Variants in WDFY4 observed in about 807,000 individuals in gnomAD.
The protein encoded by WDFY4 is WDFY family member 4.
In WDFY4, 169 loss-of-function variants were observed where a neutral mutation model predicts 351.9. The observed-to-expected ratio is 0.48, with a 90% CI of 0.42 to 0.55. The LOEUF is 0.55. Ranked by LOEUF, WDFY4 falls within the 20% of genes least tolerant of loss-of-function variation. The pLI is 0.00. For synonymous variants in WDFY4, 1,622 were observed against 1,574.6 expected (o/e 1.03, Z -0.71); for missense variants, 3,803 against 3,935.6 (o/e 0.97, Z 0.90).
chr10:48,982,423 G>C (rs1176654479), intron 61 of WDFY4, 86 bp from the exon 62 acceptor site: 1 of 1,228,882 alleles, frequency 8.1e-7, no homozygotes, highest in African/African-American at 1.5e-5. Context: ...CCCAGATAGA[G>C]CCCCAGAGTT....
intron 43 of WDFY4, among the ~76,000 whole-genome samples, chr10:48,880,555 G>C (rs2070204087): frequency 6.6e-6 from 1 of 152,240 alleles, no homozygotes; most frequent in Non-Finnish European, 1.5e-5. Flanking sequence ...GTGCAGACAG[G>C]AGCATGTGGA....
At chr10:48,800,571 T>C (rs1314907059) in intron 24 of WDFY4, among the ~76,000 whole-genome samples, 2 of 152,008 alleles carry the variant, frequency 1.3e-5, no homozygotes, top group Admixed American at 1.3e-4. Flanking sequence ...CAGGAAGTTG[T>C]AAGACAGAGT....
intron 47 of WDFY4, among the ~76,000 whole-genome samples, 170 bp from the exon 48 acceptor site, chr10:48,941,636 C>G (rs886249499): frequency 1.3e-5 from 2 of 152,198 alleles, no homozygotes; most frequent in African/African-American, 2.4e-5. Flanking sequence ...GCAAGAAGAG[C>G]TGGATGACAG....
At chr10:48,688,072 C>A (rs564745425) in intron 1 of WDFY4, among the ~76,000 whole-genome samples, 19 of 152,308 alleles carry the variant, frequency 1.2e-4, no homozygotes, top group African/African-American at 4.3e-4. Flanking sequence ...CATGAGCCAC[C>A]ACACCCGGCC....
At chr10:48,967,663 G>A (rs1842144524) in intron 55 of WDFY4, 1 of 152,292 alleles carries the variant, frequency 6.6e-6, no homozygotes, top group Non-Finnish European at 1.5e-5. Context: ...ACCAGCCCAG[G>A]AGGGAGGATC....
Position 48,897,644 on chromosome 10 carries a change from G to A in WDFY4, c.7437+70G>A, listed in dbSNP as rs529813619. On this transcript the variant is annotated intron_variant, in intron 45 of 61. Coordinates refer to ENST00000325239, the MANE Select transcript of WDFY4 (RefSeq NM_001394531.1). Reference sequence around the variant, plus strand: ...GGGCCATGGGACAGGTGGTCCAGGAGCCATCCAGAGACACACCTCTGTGAC... The same window carrying A: ...GGGCCATGGGACAGGTGGTCCAGGAACCATCCAGAGACACACCTCTGTGAC... 4.9e-5 allele frequency: 75 copies of A among 1,517,208 alleles called. 1 individual carries two copies. The East Asian group carries it at 1.5e-3, about 30-fold the overall frequency. 94.0% of individuals were successfully genotyped at this position (1,517,208 alleles called of 1,614,324 possible). A position where few individuals can be genotyped will look rare whatever the true frequency, so the allele number is the denominator to read the frequency against.
intron 25 of WDFY4, among the ~76,000 whole-genome samples, chr10:48,804,417 C>G (rs1310109769): frequency 6.6e-6 from 1 of 152,094 alleles, no homozygotes; most frequent in Non-Finnish European, 1.5e-5. Flanking sequence ...GAAACAGAAC[C>G]AAGGGCAGCC....
At chr10:48,696,554 C>G (rs1470334766) in intron 1 of WDFY4, among the ~76,000 whole-genome samples, 1 of 152,256 alleles carries the variant, frequency 6.6e-6, no homozygotes, top group Non-Finnish European at 1.5e-5. Flanking sequence ...CAAACCAGCT[C>G]CTTGTGAGGA....
intron 43 of WDFY4, among the ~76,000 whole-genome samples, chr10:48,885,781 G>T (rs1589812797): frequency 6.6e-6 from 1 of 151,888 alleles, no homozygotes; most frequent in South Asian, 2.1e-4. Flanking sequence ...TAGATAGATA[G>T]CATCTCCTTA....
At chr10:48,702,613 G>C (rs1399209333) in intron 1 of WDFY4, among the ~76,000 whole-genome samples, 1 of 152,116 alleles carries the variant, frequency 6.6e-6, no homozygotes, top group Non-Finnish European at 1.5e-5. Context: ...ATGGATGATG[G>C]ACCTGAGTTC....
chr10:48,727,459 C>T lies in WDFY4; in HGVS notation c.782-11C>T. On this transcript the variant is annotated splice_polypyrimidine_tract_variant and intron_variant, in intron 6 of 61. Coordinates refer to ENST00000325239, the MANE Select transcript of WDFY4 (RefSeq NM_001394531.1). ...AGCTCAGCAGGTCTCTCCTGTGCTT[C>T]CCTCCTGCAGCCACAGACTGTGTCA... 1 of 1,551,158 alleles carries T rather than the reference C, an allele frequency of 6.4e-7. No individual in the cohort carries two copies. The highest frequency in any genetic ancestry group is 1.4e-5 in the African/African-American group (1 of 73,168).
At chr10:48,854,767 T>C (rs1163830324) in intron 39 of WDFY4, among the ~76,000 whole-genome samples, 1 of 152,206 alleles carries the variant, frequency 6.6e-6, no homozygotes, top group East Asian at 1.9e-4. Flanking sequence ...CTCCCTACTT[T>C]GGGCCCACTT....
chr10:48,893,264 T>G (rs1836905970), intron 44 of WDFY4, among the ~76,000 whole-genome samples: 1 of 152,228 alleles, frequency 6.6e-6, no homozygotes, highest in Non-Finnish European at 1.5e-5. Context: ...ACCAGTCAGG[T>G]TGGATTTGGA....
Position 48,796,320 on chromosome 10 carries a change from A to T in WDFY4, c.4280A>T (p.Lys1427Met). 1.3e-6 allele frequency: 2 copies of T among 1,552,188 alleles called. No homozygotes were observed. The highest frequency in any genetic ancestry group is 1.7e-6 in the Non-Finnish European group (2 of 1,147,062). Residue 1427 changes from lysine (K) to methionine (M), a missense_variant, in exon 24 of 62, where the codon AAG becomes ATG. Coordinates refer to ENST00000325239, the MANE Select transcript of WDFY4 (RefSeq NM_001394531.1). ...GYQIMAFLLR[K>M]KASLLNHRIF... The stretch of plus-strand genomic sequence containing the variant: ...CAGATAATGGCGTTTCTCCTGAGGA[A>T]GAAGGCCTCTCTCCTGAACCATCGA...
chr10:48,846,432 G>T (rs1473677512), intron 39 of WDFY4, among the ~76,000 whole-genome samples: 2 of 152,186 alleles, frequency 1.3e-5, no homozygotes, highest in African/African-American at 4.8e-5. Flanking sequence ...TCCCTCACAA[G>T]AACTTTAAGT....
At chr10:48,833,180 A>T (rs982169958) in intron 39 of WDFY4, among the ~76,000 whole-genome samples, 10 of 147,106 alleles carry the variant, frequency 6.8e-5, no homozygotes, top group African/African-American at 2.4e-4. Context: ...TGTGAGAGAG[A>T]GAGAGAGAGA....
chr10:48,917,781 A>G (rs1838685992), intron 47 of WDFY4, among the ~76,000 whole-genome samples: 1 of 152,238 alleles, frequency 6.6e-6, no homozygotes, highest in South Asian at 2.1e-4. Flanking sequence ...AGGAACTCCA[A>G]ACTTTGGGGA....
rs549558181 is a variant in WDFY4, at chr10:48,810,718, G to T, written c.5027G>T (p.Gly1676Val). Residue 1676 changes from glycine to valine, a missense_variant, in exon 29 of 62, where the codon GGC becomes GTC. By Grantham distance (109) the Gly-to-Val change is moderately radical (BLOSUM62 -3). Transcript: ENST00000325239. ...AGSWVERSTEGVDIVMDNLKS... is the reference protein window; with the variant it reads ...AGSWVERSTEVVDIVMDNLKS... ...TCCTGGGTGGAACGCAGCACTGAGGGCGTGGATATTGTAATGGGTGAGCAC... is the reference window on the plus strand; with the variant it reads ...TCCTGGGTGGAACGCAGCACTGAGGTCGTGGATATTGTAATGGGTGAGCAC... 4.8e-5 allele frequency: 74 copies of T among 1,541,724 alleles called. No homozygotes were observed. In the East Asian group the frequency reaches 1.6e-3, roughly 34 times the overall value.
At chr10:48,956,077 G>T (rs1014173917) in intron 51 of WDFY4, among the ~76,000 whole-genome samples, 1 of 152,172 alleles carries the variant, frequency 6.6e-6, no homozygotes, top group Admixed American at 6.5e-5. Flanking sequence ...CTCTAACCAG[G>T]ACCTGGAGGG....
Sources: allele counts gnomAD v4.1 joint callset (sites outside exome capture counted in the v4.1 genomes callset), GRCh38; gene constraint gnomAD v4.1.1; transcripts MANE v1.5; gene names NCBI Gene and HGNC (gene_info 2026-07-23, HGNC 2026-07-21).